MED12L: variants seen among roughly 807,000 people sequenced by gnomAD.
MED12L encodes mediator of RNA polymerase II transcription subunit 12-like protein.
Under a neutral mutation model 281.3 loss-of-function variants are expected in MED12L, and 60 were observed. That is an observed-to-expected ratio of 0.21 (90% CI 0.17 to 0.26). The LOEUF (loss-of-function observed/expected upper bound fraction) is 0.26, where lower values mean the gene tolerates loss of function less well. Ranked by LOEUF, MED12L falls within the 10% of genes least tolerant of loss-of-function variation. The pLI is 1.00. For missense variants in MED12L, 2,146 were observed against 2,680.9 expected (o/e 0.80, Z 4.41); for synonymous variants, 974 against 987.2 (o/e 0.99, Z 0.25).
chr3:151,192,185 T>G (rs1045764985), intron 14 of MED12L, among the ~76,000 whole-genome samples: 6 of 152,234 alleles, frequency 3.9e-5, no homozygotes, highest in Non-Finnish European at 8.8e-5. Flanking sequence ...TTTTCTATTC[T>G]ATAGATATTA....
chr3:151,248,642 A>G (rs1417830035), intron 16 of MED12L, among the ~76,000 whole-genome samples: 3 of 152,188 alleles, frequency 2.0e-5, no homozygotes, highest in Non-Finnish European at 4.4e-5. Flanking sequence ...GCCCCATGAA[A>G]GGAAATCATG....
Position 151,165,524 on chromosome 3 carries a change from A to C in MED12L, c.1357+5A>C. 6.2e-7 allele frequency: 1 copy of C among 1,603,324 alleles called. No homozygotes were observed. Among genetic ancestry groups the C allele is most frequent in the South Asian group, 1.1e-5 (1 of 90,766 alleles). ...AGTGCCAAGAATCCACAGCAGGTACAGAATGCCACAGAGGAACGAGTGCTT... is the reference window on the plus strand; with the variant it reads ...AGTGCCAAGAATCCACAGCAGGTACCGAATGCCACAGAGGAACGAGTGCTT... On this transcript the variant is annotated splice_donor_5th_base_variant and intron_variant, in intron 10 of 44. Coordinates refer to ENST00000687756, the MANE Select transcript of MED12L (RefSeq NM_001393769.1).
chr3:151,156,604 C>A (rs1045584887), intron 6 of MED12L, among the ~76,000 whole-genome samples: 11 of 152,142 alleles, frequency 7.2e-5, no homozygotes, highest in African/African-American at 2.7e-4. Flanking sequence ...TGTAATCCTT[C>A]TAAACCTTTT....
At chr3:151,380,742 G>A (rs1163386744) in intron 32 of MED12L, among the ~76,000 whole-genome samples, 1 of 152,118 alleles carries the variant, frequency 6.6e-6, no homozygotes, top group Non-Finnish European at 1.5e-5. Flanking sequence ...TACAATAAAT[G>A]TGTACTGCCT....
At chr3:151,114,896 A>G (rs561281916) in intron 2 of MED12L, among the ~76,000 whole-genome samples, 12 of 152,090 alleles carry the variant, frequency 7.9e-5, no homozygotes, top group Non-Finnish European at 1.3e-4. Flanking sequence ...CCACATTTTC[A>G]TGTGGCATTT....
intron 12 of MED12L, 48 bp downstream of exon 12, chr3:151,185,509 A>G (rs768632983): frequency 6.2e-7 from 1 of 1,604,816 alleles, no homozygotes; most frequent in Non-Finnish European, 8.5e-7. Flanking sequence ...ATGTAAAAAT[A>G]CTGTTTTGGG....
chr3:151,393,580 T>G (rs1048461575), intron 38 of MED12L, among the ~76,000 whole-genome samples: 1 of 150,140 alleles, frequency 6.7e-6, no homozygotes, highest in Non-Finnish European at 1.5e-5. Flanking sequence ...AATTTCCTTG[T>G]GAGCAAATTA....
At chr3:151,122,585 G>A (rs146163547) in intron 3 of MED12L, among the ~76,000 whole-genome samples, 198 bp from the exon 4 acceptor site, 1 of 152,202 alleles carries the variant, frequency 6.6e-6, no homozygotes, top group African/African-American at 2.4e-5. Context: ...CTTGTGAGTA[G>A]TGGTATAAAG....
intron 27 of MED12L, 119 bp downstream of exon 27, chr3:151,372,885 C>A (rs181955885): frequency 1.2e-5 from 8 of 683,674 alleles, no homozygotes; most frequent in East Asian, 8.3e-5. Flanking sequence ...CACTTTATTT[C>A]GAAATAATTT....
intron 16 of MED12L, among the ~76,000 whole-genome samples, chr3:151,251,678 ACT>A (rs1174914176): frequency 2.0e-5 from 3 of 151,916 alleles, no homozygotes; most frequent in Admixed American, 2.0e-4. Context: ...AATTGTTTGA[ACT>A]CTCTGTGAAT....
At chr3:151,213,406 T>C in intron 16 of MED12L, 1 of 1,614,076 alleles carries the variant, frequency 6.2e-7, no homozygotes, top group Non-Finnish European at 8.5e-7. Flanking sequence ...ACATAAGATT[T>C]CCCTAAACGG....
chr3:151,342,205 G>A (rs1351516924), intron 16 of MED12L, among the ~76,000 whole-genome samples: 38 of 152,158 alleles, frequency 2.5e-4, no homozygotes, highest in Non-Finnish European at 1.5e-5. Flanking sequence ...CAGTGTAAAA[G>A]TGTTCCTATT....
intron 16 of MED12L, chr3:151,295,337 A>G (rs1577257925): frequency 4.7e-6 from 3 of 643,632 alleles, no homozygotes; most frequent in Non-Finnish European, 5.5e-6. Flanking sequence ...AATGATTTAC[A>G]GAGTCAAGGT....
intron 43 of MED12L, among the ~76,000 whole-genome samples, chr3:151,429,261 C>G (rs751360502): frequency 1.3e-5 from 2 of 152,198 alleles, no homozygotes; most frequent in Admixed American, 1.3e-4. Context: ...CTCCTATGCT[C>G]CAGTCTCCTG....
chr3:151,146,156 C>T (rs1717729393), intron 5 of MED12L, among the ~76,000 whole-genome samples: 1 of 152,210 alleles, frequency 6.6e-6, no homozygotes, highest in East Asian at 1.9e-4. Context: ...GTTGAAATCC[C>T]TGGAGTTGGA....
intron 5 of MED12L, among the ~76,000 whole-genome samples, chr3:151,149,906 C>G (rs1396011067): frequency 6.6e-6 from 1 of 152,192 alleles, no homozygotes; most frequent in African/African-American, 2.4e-5. Context: ...GCAATTCAGT[C>G]CCATCTTCAG....
rs1334734225 is a variant in MED12L, at chr3:151,280,343, CTG to C, written c.2251-69710_2251-69709del. Among the ~76,000 whole-genome samples, 5 of 152,128 alleles carry C rather than the reference CTG, an allele frequency of 3.3e-5. No individual in the cohort carries two copies. The South Asian group carries it at 6.2e-4, about 19-fold the overall frequency. ...ATTTGCATGTACTGTTCTAAACACT[CTG>C]TGTGTTTTAGCTTGATTACTCACAA... On this transcript the variant is annotated intron_variant, in intron 16 of 44. Transcript: ENST00000687756.
intron 16 of MED12L, among the ~76,000 whole-genome samples, chr3:151,332,219 C>T (rs147711145): frequency 1.2e-3 from 177 of 152,246 alleles, no homozygotes; most frequent in African/African-American, 3.9e-3. Context: ...TTCTCAGTTG[C>T]ATCAAAATTG....
intron 17 of MED12L, among the ~76,000 whole-genome samples, chr3:151,353,058 A>G (rs1365254366): frequency 1.3e-5 from 2 of 152,214 alleles, no homozygotes; most frequent in African/African-American, 4.8e-5. Flanking sequence ...CTAAGAACCA[A>G]TTACATTCTT....
Sources: allele counts gnomAD v4.1 joint callset (sites outside exome capture counted in the v4.1 genomes callset), GRCh38; gene constraint gnomAD v4.1.1; transcripts MANE v1.5; gene names NCBI Gene and HGNC (gene_info 2026-07-23, HGNC 2026-07-21).